The following LMF1 variants were observed in gnomAD, a reference collection of about 807,000 sequenced individuals.
LMF1 encodes lipase maturation factor 1, also known as transmembrane protein 112.
A neutral mutation model predicts 60.6 loss-of-function variants in LMF1; 68 were observed. That is an observed-to-expected ratio of 1.12 (90% CI 0.92 to 1.37). LMF1 has a LOEUF of 1.37. Ranked by LOEUF, LMF1 falls within the 40% of genes most tolerant of loss-of-function variation. The pLI is 0.00. For missense variants in LMF1, 948 were observed against 767.2 expected, an observed-to-expected ratio of 1.24 and a Z score of -2.78; for synonymous variants, 418 against 324.7, an observed-to-expected ratio of 1.29 and a Z score of -3.09.
intron 4 of LMF1, among the ~76,000 whole-genome samples, chr16:893,887 G>A (rs2070572461): frequency 6.6e-6 from 1 of 152,200 alleles, no homozygotes; most frequent in African/African-American, 2.4e-5. Flanking sequence ...TGCATGGGAG[G>A]TGAAACTGCA....
At chr16:970,405 G>T (rs926519461) in intron 1 of LMF1, among the ~76,000 whole-genome samples, 4 of 152,042 alleles carry the variant, frequency 2.6e-5, no homozygotes, top group Non-Finnish European at 5.9e-5. Flanking sequence ...GCAGACCCCC[G>T]ACCTGCGCAC....
At chr16:931,965 G>A (rs538876966) in intron 3 of LMF1, among the ~76,000 whole-genome samples, 3 of 152,342 alleles carry the variant, frequency 2.0e-5, no homozygotes, top group Middle Eastern at 3.4e-3. Flanking sequence ...AGACACAAAC[G>A]CAGAAGACTG....
intron 2 of LMF1, among the ~76,000 whole-genome samples, chr16:935,210 C>T (rs571153835): frequency 2.6e-4 from 40 of 152,212 alleles, no homozygotes; most frequent in African/African-American, 8.7e-4. Flanking sequence ...AGCAGTCCTC[C>T]CGCCTCAGCC....
chr16:939,163 C>A (rs572824946), intron 2 of LMF1, among the ~76,000 whole-genome samples: 1 of 152,246 alleles, frequency 6.6e-6, no homozygotes, highest in East Asian at 1.9e-4. Context: ...CAGAGAAATG[C>A]GTATTTAAAT....
intron 4 of LMF1, among the ~76,000 whole-genome samples, chr16:896,466 C>G (rs1017889879): frequency 6.6e-6 from 1 of 152,244 alleles, no homozygotes; most frequent in African/African-American, 2.4e-5. Context: ...GTTTTAAAAA[C>G]TGAGAGTCAG....
At chr16:925,230 G>C (rs550745834) in intron 3 of LMF1, among the ~76,000 whole-genome samples, 1 of 152,188 alleles carries the variant, frequency 6.6e-6, no homozygotes, top group African/African-American at 2.4e-5. Context: ...AAAAAGCCAC[G>C]TTGAAGATTC....
At chr16:975,493 C>T (rs2073117995), upstream of LMF1, among the ~76,000 whole-genome samples, 1 of 152,198 alleles carries the variant, frequency 6.6e-6, no homozygotes, top group East Asian at 1.9e-4. Context: ...AACAAACAGC[C>T]TCAGAGCCCA....
At chr16:945,211 CAAAAA>C (rs60283096) in intron 2 of LMF1, among the ~76,000 whole-genome samples, 5 of 79,012 alleles carry the variant, frequency 6.3e-5, no homozygotes, top group Non-Finnish European at 9.0e-5. Context: ...GACTCCATCT[CAAAAA>C]AAAAAAAAAA....
chr16:955,020 G>A (rs1567316506), intron 1 of LMF1, among the ~76,000 whole-genome samples: 702 of 148,906 alleles, frequency 4.7e-3, no homozygotes, highest in South Asian at 9.2e-3. Flanking sequence ...TGCAGCAGAT[G>A]CGGTGTGTGC....
intron 5 of LMF1, among the ~76,000 whole-genome samples, chr16:889,224 AG>A (rs908739414): frequency 3.3e-5 from 5 of 152,304 alleles, no homozygotes; most frequent in Admixed American, 1.3e-4. Context: ...TTCACCCTCC[AG>A]GGGGCTGGCC....
chr16:909,963 A>T (rs1242235369), intron 4 of LMF1, among the ~76,000 whole-genome samples: 2 of 152,226 alleles, frequency 1.3e-5, no homozygotes, highest in Non-Finnish European at 2.9e-5. Flanking sequence ...GTACGTCTTC[A>T]GCGAATCCTC....
intron 3 of LMF1, among the ~76,000 whole-genome samples, chr16:925,054 C>A (rs1312590919): frequency 1.3e-5 from 2 of 152,152 alleles, no homozygotes; most frequent in Non-Finnish European, 2.9e-5. Context: ...GGTGCGAGTC[C>A]CCAAATGCCT....
chr16:916,448 C>T (rs1460283104), intron 3 of LMF1, among the ~76,000 whole-genome samples: 1 of 152,210 alleles, frequency 6.6e-6, no homozygotes, highest in African/African-American at 2.4e-5. Context: ...TTCATTTTTA[C>T]AGGTTATATT....
intron 10 of LMF1, among the ~76,000 whole-genome samples, chr16:864,211 A>G (rs2069546836): frequency 6.6e-6 from 1 of 152,180 alleles, no homozygotes; most frequent in African/African-American, 2.4e-5. Context: ...TAATTTTTGC[A>G]CTGAGGTCTA....
chr16:939,419 T>C (rs931812261), intron 2 of LMF1, among the ~76,000 whole-genome samples: 11 of 152,122 alleles, frequency 7.2e-5, no homozygotes, highest in African/African-American at 2.7e-4. Flanking sequence ...CTTCCAGCAA[T>C]AAAAACCAGG....
chr16:951,247 G>A (rs2072458579), intron 2 of LMF1, among the ~76,000 whole-genome samples: 1 of 151,584 alleles, frequency 6.6e-6, no homozygotes, highest in Admixed American at 6.6e-5. Flanking sequence ...CAACGACAGA[G>A]TCAGCCAACG....
intron 2 of LMF1, among the ~76,000 whole-genome samples, chr16:951,995 G>C (rs895705531): frequency 6.6e-6 from 1 of 151,802 alleles, no homozygotes; most frequent in Non-Finnish European, 1.5e-5. Context: ...ACTCCCGTGA[G>C]AGCGCCTGAC....
At chr16:954,097 T>C in intron 2 of LMF1, 2 of 585,824 alleles carry the variant, frequency 3.4e-6, no homozygotes, top group Non-Finnish European at 6.4e-6. Flanking sequence ...CCCATCCCTC[T>C]GGCTCCAGTA....
rs548649990 is a variant in LMF1, at chr16:925,988, T to C, written c.514+8256A>G. On this transcript the variant is annotated intron_variant, in intron 3 of 10. Transcript: ENST00000262301. ...CACGTTTGCATATGATCTGCATACG[T>C]GTCTGTATGCATGCATGCATGTGTG... Among the ~76,000 whole-genome samples the C allele has an allele frequency of 5.7e-4, 86 of 152,004 alleles. No individual in the cohort carries two copies. The South Asian group carries it at 0.018, about 31-fold the overall frequency.
Sources: allele counts gnomAD v4.1 joint callset (sites outside exome capture counted in the v4.1 genomes callset), GRCh38; gene constraint gnomAD v4.1.1; transcripts MANE v1.5; gene names NCBI Gene and HGNC (gene_info 2026-07-23, HGNC 2026-07-21).